SCUBE1: variants seen among roughly 807,000 people sequenced by gnomAD.
SCUBE1 encodes signal peptide, CUB domain and EGF like domain containing 1, also known as signal peptide, CUB and EGF-like domain-containing protein 1.
In SCUBE1, 59 loss-of-function variants were observed where a neutral mutation model predicts 124.4. The ratio of observed to expected loss-of-function variants is 0.47; its 90% CI spans 0.38 to 0.59. The LOEUF is 0.59. Ranked by LOEUF, SCUBE1 falls within the 20% of genes least tolerant of loss-of-function variation. SCUBE1 has a pLI of 0.00. For synonymous variants in SCUBE1, 545 were observed against 550.9 expected (o/e 0.99, Z 0.15); for missense variants, 1,150 against 1,371.2 (o/e 0.84, Z 2.55).
chr22:43,206,329 C>G (rs1375679481), intron 21 of SCUBE1, among the ~76,000 whole-genome samples: 1 of 151,888 alleles, frequency 6.6e-6, no homozygotes, highest in East Asian at 1.9e-4. Flanking sequence ...ACCACACACA[C>G]TGAACACCTC....
At chr22:43,316,360 T>C (rs7284913) in intron 3 of SCUBE1, among the ~76,000 whole-genome samples, 14,133 of 152,256 alleles carry the variant, frequency 0.093, 2,028 homozygotes, top group African/African-American at 0.31. Flanking sequence ...TGCTTTTAAC[T>C]GGCTGTCCCA....
intron 2 of SCUBE1, among the ~76,000 whole-genome samples, chr22:43,322,723 T>A (rs1011434746): frequency 6.6e-6 from 1 of 152,156 alleles, no homozygotes; most frequent in Admixed American, 6.5e-5. Flanking sequence ...CTTAACAGTC[T>A]TATCCAAACA....
At chr22:43,270,802 T>A (rs1204598973) in intron 4 of SCUBE1, among the ~76,000 whole-genome samples, 1 of 152,214 alleles carries the variant, frequency 6.6e-6, no homozygotes, top group Admixed American at 6.5e-5. Context: ...AGTGCATAAA[T>A]CTGACTGTGT....
intron 4 of SCUBE1, among the ~76,000 whole-genome samples, chr22:43,286,932 A>T (rs1454167430): frequency 6.6e-6 from 1 of 152,246 alleles, no homozygotes; most frequent in Non-Finnish European, 1.5e-5. Context: ...AGGAGGCCAC[A>T]TCTTCCTGTG....
At chr22:43,268,839 G>A (rs1304089085) in intron 4 of SCUBE1, among the ~76,000 whole-genome samples, 1 of 152,196 alleles carries the variant, frequency 6.6e-6, no homozygotes, top group Admixed American at 6.5e-5. Flanking sequence ...GTGTCAGAAA[G>A]ATCTCTGGAG....
At chr22:43,228,297 A>G (rs563993967) in intron 9 of SCUBE1, among the ~76,000 whole-genome samples, 7 of 152,118 alleles carry the variant, frequency 4.6e-5, no homozygotes, top group African/African-American at 1.4e-4. Flanking sequence ...ATACATCTAG[A>G]ATCTTCCTCT....
intron 21 of SCUBE1, 86 bp from the exon 22 acceptor site, chr22:43,204,235 G>C: frequency 8.0e-7 from 1 of 1,248,364 alleles, no homozygotes; most frequent in Non-Finnish European, 1.2e-6. Flanking sequence ...AGGGGAGAGA[G>C]ATGCGCTGGC....
intron 5 of SCUBE1, among the ~76,000 whole-genome samples, chr22:43,260,511 C>G (rs1272953125): frequency 6.6e-6 from 1 of 152,232 alleles, no homozygotes; most frequent in Non-Finnish European, 1.5e-5. Flanking sequence ...GGCCTCAGCC[C>G]CCAACCCAGC....
chr22:43,231,407 C>T (rs761177162), intron 8 of SCUBE1, among the ~76,000 whole-genome samples: 12 of 152,230 alleles, frequency 7.9e-5, no homozygotes, highest in East Asian at 5.8e-4. Flanking sequence ...CAATGTGCAA[C>T]GCTTTCCAAC....
chr22:43,250,511 A>G (rs1003191149), intron 6 of SCUBE1, among the ~76,000 whole-genome samples: 1 of 152,212 alleles, frequency 6.6e-6, no homozygotes. Context: ...ACTCCTGGCC[A>G]GATCCAGAGA....
At chr22:43,242,378 G>C (rs1923039902) in intron 6 of SCUBE1, among the ~76,000 whole-genome samples, 1 of 152,236 alleles carries the variant, frequency 6.6e-6, no homozygotes, top group South Asian at 2.1e-4. Flanking sequence ...AGCTGTCTCA[G>C]AGACAGTAAG....
intron 13 of SCUBE1, 64 bp from the exon 14 acceptor site, chr22:43,220,651 C>A (rs1922051129): frequency 2.5e-6 from 4 of 1,574,948 alleles, no homozygotes; most frequent in African/African-American, 2.7e-5. Flanking sequence ...TCCTACCAAG[C>A]CCTGCATACA....
intron 8 of SCUBE1, 61 bp downstream of exon 8, chr22:43,231,692 G>A (rs1274859065): frequency 4.0e-5 from 61 of 1,524,412 alleles, no homozygotes; most frequent in Non-Finnish European, 5.2e-5. Flanking sequence ...GTCAGCCCAG[G>A]AGGGGAAGGG....
chr22:43,235,301 G>A (rs76917667), intron 7 of SCUBE1, among the ~76,000 whole-genome samples: 1 of 152,052 alleles, frequency 6.6e-6, no homozygotes, highest in Non-Finnish European at 1.5e-5. Flanking sequence ...TGAGCTATAG[G>A]GACGCACAGG....
At chr22:43,316,340 T>C (rs1926346868) in intron 3 of SCUBE1, among the ~76,000 whole-genome samples, 1 of 152,142 alleles carries the variant, frequency 6.6e-6, no homozygotes, top group Admixed American at 6.5e-5. Flanking sequence ...GGCCGCTGGG[T>C]GATATTGCCT....
chr22:43,291,796 C>G (rs1925371334), intron 3 of SCUBE1, among the ~76,000 whole-genome samples: 1 of 152,182 alleles, frequency 6.6e-6, no homozygotes, highest in Non-Finnish European at 1.5e-5. Flanking sequence ...AGCATCTTAC[C>G]TGTATTAATT....
intron 4 of SCUBE1, chr22:43,281,893 C>T (rs1924928654): frequency 6.6e-6 from 1 of 152,610 alleles, no homozygotes; most frequent in South Asian, 2.1e-4. Context: ...GTTCCGCCAG[C>T]TTTGGGCCTG....
intron 9 of SCUBE1, 87 bp from the exon 10 acceptor site, chr22:43,227,583 G>C: frequency 6.5e-7 from 1 of 1,535,066 alleles, no homozygotes; most frequent in Non-Finnish European, 8.8e-7. Flanking sequence ...AAGAGGGCAA[G>C]AATCTCCTGA....
intron 2 of SCUBE1, among the ~76,000 whole-genome samples, chr22:43,336,959 G>C (rs1377425896): frequency 2.9e-5 from 3 of 104,452 alleles, no homozygotes; most frequent in Non-Finnish European, 4.6e-5. Context: ...GTGTATGTCT[G>C]TGTGTGTGTG....
Sources: allele counts gnomAD v4.1 joint callset (sites outside exome capture counted in the v4.1 genomes callset), GRCh38; gene constraint gnomAD v4.1.1; transcripts MANE v1.5; gene names NCBI Gene and HGNC (gene_info 2026-07-23, HGNC 2026-07-21).